The following SSRP1 variants were observed in gnomAD, a reference collection of about 807,000 sequenced individuals.
SSRP1 encodes structure specific recognition protein 1, also known as FACT complex subunit SSRP1.
In SSRP1, 21 loss-of-function variants were observed where a neutral mutation model predicts 84.4. That is an observed-to-expected ratio of 0.25 (90% CI 0.18 to 0.36). The LOEUF is 0.36. SSRP1 is among the 10% of genes least tolerant of loss of function. SSRP1 has a pLI of 1.00. For missense variants in SSRP1, 519 were observed against 900.8 expected (o/e 0.58, Z 5.43); for synonymous variants, 319 against 318.3 (o/e 1.00, Z -0.02).
intron 2 of SSRP1, 83 bp downstream of exon 2, chr11:57,334,985 C>G: frequency 6.6e-7 from 1 of 1,526,050 alleles, no homozygotes. Context: ...AATAACGTTA[C>G]CAAAGCAAGC....
Position 57,332,548 on chromosome 11 carries a change from C to T in SSRP1, c.769-62G>A. 3 of 1,606,114 alleles carry T rather than the reference C, an allele frequency of 1.9e-6. No homozygotes were observed. In the South Asian group the frequency reaches 3.3e-5, roughly 18 times the overall value. On this transcript the variant is annotated intron_variant, in intron 6 of 16. Transcript: ENST00000278412. This position sits in a 1 kb window ranked among gnomAD's most constrained non-coding sequence, Gnocchi z 5.5. The stretch of plus-strand genomic sequence containing the variant: ...ACTTGCAATTAACCAACGTAGAATT[C>T]TGCACACCAGTGAGATCCATCTACT...
In SSRP1 at chr11:57,332,319, T is replaced by C. The variant is rs1856109020; in HGVS notation, c.873-39A>G. 1 of 1,613,922 alleles carries C rather than the reference T, an allele frequency of 6.2e-7. No individual in the cohort carries two copies. Among genetic ancestry groups the C allele is most frequent in the Non-Finnish European group, 8.5e-7 (1 of 1,179,876 alleles). ...AAGGTGAGGTCACAACACTACTGCC[T>C]TCTAATGGCACACCTGTCTCCTGCC... On this transcript the variant is annotated intron_variant, in intron 7 of 16. Coordinates refer to ENST00000278412, the MANE Select transcript of SSRP1 (RefSeq NM_003146.3). The surrounding 1 kb of genome is among the most constrained non-coding windows in gnomAD (Gnocchi z 5.5).
chr11:57,333,411 A>T (rs1280515400), intron 4 of SSRP1, 24 bp downstream of exon 4: 1 of 1,592,136 alleles, frequency 6.3e-7, no homozygotes, highest in African/African-American at 1.3e-5. Flanking sequence ...TCCTCCCCAA[A>T]CCTCAGTCTT....
At chr11:57,329,706 C>T in intron 12 of SSRP1, 1 of 274,718 alleles carries the variant, frequency 3.6e-6, no homozygotes, top group Non-Finnish European at 6.9e-6. Context: ...AACAAAAAGT[C>T]TTAACCAATT....
chr11:57,334,389 G>A, intron 3 of SSRP1, 74 bp downstream of exon 3: 1 of 1,545,078 alleles, frequency 6.5e-7, no homozygotes, highest in Non-Finnish European at 8.8e-7. Context: ...CATGAGGAAG[G>A]AACCTCGAGT....
At chr11:57,333,412 C>T (rs2134392139) in intron 4 of SSRP1, 23 bp downstream of exon 4, 1 of 1,596,386 alleles carries the variant, frequency 6.3e-7, no homozygotes, top group African/African-American at 1.3e-5. Context: ...CCTCCCCAAA[C>T]CTCAGTCTTC....
chr11:57,334,078 A>G (rs1165222463), intron 3 of SSRP1, among the ~76,000 whole-genome samples: 1 of 152,218 alleles, frequency 6.6e-6, no homozygotes, highest in East Asian at 1.9e-4. Context: ...ACTTGAGCCC[A>G]GGAGGCGGAG....
At position 57,330,740 on chromosome 11, in the gene SSRP1, T is replaced by C; in HGVS notation, c.1296+115A>G. ...GGAAAGGGTCACACGCACCTCTTTTTTCTATAAGGGTAAGAAGAGAAGAAA... is the reference window on the plus strand; with the variant it reads ...GGAAAGGGTCACACGCACCTCTTTTCTCTATAAGGGTAAGAAGAGAAGAAA... On this transcript the variant is annotated intron_variant, in intron 10 of 16. Coordinates refer to ENST00000278412, the MANE Select transcript of SSRP1 (RefSeq NM_003146.3). The surrounding 1 kb of genome is among the most constrained non-coding windows in gnomAD (Gnocchi z 4.0). The C allele has an allele frequency of 1.9e-6, 3 of 1,553,386 alleles. No homozygotes were observed. Among genetic ancestry groups the C allele is most frequent in the Non-Finnish European group, 2.6e-6 (3 of 1,148,528 alleles).
In SSRP1 at chr11:57,332,702, C is replaced by T; in HGVS notation, c.691G>A (p.Asp231Asn). 1 of 1,614,020 alleles carries T rather than the reference C, an allele frequency of 6.2e-7. No individual in the cohort carries two copies. The highest frequency in any genetic ancestry group is 8.5e-7 in the Non-Finnish European group (1 of 1,180,008). Residue 231 changes from aspartate to asparagine, a missense_variant, in exon 6 of 17, where the codon GAC (aspartate) becomes AAC (asparagine). By Grantham distance (23) the Asp-to-Asn change is conservative. Transcript: ENST00000278412. The surrounding 1 kb of genome is among the most constrained non-coding windows in gnomAD (Gnocchi z 5.5). ...ACTGTGGTGTAGGGGATCTTGTAGT[C>T]AAAGGTCTTGCCATGCAGGTGCAGA... is the stretch of plus-strand genomic sequence containing the variant. ...TFLHLHGKTF[D>N]YKIPYTTVLR...
intron 16 of SSRP1, 24 bp downstream of exon 16, chr11:57,326,675 GCCCA>G (rs897414190): frequency 2.6e-5 from 42 of 1,607,172 alleles, no homozygotes; most frequent in Non-Finnish European, 3.5e-5. Context: ...ACCCTGCCCA[GCCCA>G]CAGGCCCCAC....
In SSRP1 at chr11:57,335,035, T is replaced by C. The variant is rs756693140; in HGVS notation, c.54+33A>G. ...AAAAACTCTACCCTCCTTCCTTCTC[T>C]CTACTTGTATCACCTGTCCAAGCCA... On this transcript the variant is annotated intron_variant, in intron 2 of 16. Coordinates refer to ENST00000278412, the MANE Select transcript of SSRP1 (RefSeq NM_003146.3). The surrounding 1 kb of genome is among the most constrained non-coding windows in gnomAD (Gnocchi z 4.6). 9.3e-6 allele frequency: 15 copies of C among 1,612,744 alleles called. No individual in the cohort carries two copies. In the East Asian group the frequency reaches 3.3e-4, roughly 36 times the overall value.
Position 57,328,105 on chromosome 11 carries a change from G to A in SSRP1, c.1611+192C>T, listed in dbSNP as rs1377538609. ...ATCTCCTAATTCAGACCTTCCAGAA[G>A]CTTATTAATCTCAGGGCTAGTGAGA... On this transcript the variant is annotated intron_variant, in intron 13 of 16. Coordinates refer to ENST00000278412, the MANE Select transcript of SSRP1 (RefSeq NM_003146.3). The A allele has an allele frequency of 9.9e-6, 10 of 1,005,214 alleles. No individual in the cohort carries two copies. In the East Asian group the frequency reaches 2.5e-4, roughly 26 times the overall value. The allele number at this position is 1,005,214 out of a possible 1,614,324, so 62.3% of individuals were successfully genotyped here.
chr11:57,330,045 A>G lies in SSRP1; in HGVS notation c.1481+48T>C. The G allele has an allele frequency of 1.9e-6, 3 of 1,611,652 alleles. No homozygotes were observed. Among genetic ancestry groups the G allele is most frequent in the Non-Finnish European group, 2.5e-6 (3 of 1,177,784 alleles). On this transcript the variant is annotated intron_variant, in intron 12 of 16. Coordinates refer to ENST00000278412, the MANE Select transcript of SSRP1 (RefSeq NM_003146.3). The surrounding 1 kb of genome is among the most constrained non-coding windows in gnomAD (Gnocchi z 4.0). ...TGTCCAGAAATCTTCTGGTCCCTTA[A>G]GCTTATGGGTCACCATCTTATCCCC...
chr11:57,326,958 G>C, intron 15 of SSRP1, 69 bp from the exon 16 acceptor site: 1 of 1,470,312 alleles, frequency 6.8e-7, no homozygotes, highest in Non-Finnish European at 9.0e-7. Flanking sequence ...ACCTCTCCCA[G>C]CTTTAACAAG....
intron 15 of SSRP1, 28 bp downstream of exon 15, chr11:57,327,398 G>A: frequency 6.3e-7 from 1 of 1,589,732 alleles, no homozygotes; most frequent in Non-Finnish European, 8.6e-7. Flanking sequence ...ACAAAAATCA[G>A]TGACTGGGCC....
intron 9 of SSRP1, 131 bp from the exon 10 acceptor site, chr11:57,331,058 C>T (rs1467448694): frequency 1.1e-6 from 1 of 950,650 alleles, no homozygotes; most frequent in African/African-American, 1.6e-5. Flanking sequence ...CCCAACCCAA[C>T]AGCTTAGAAA....
At chr11:57,328,573 C>A in intron 12 of SSRP1, 147 bp from the exon 13 acceptor site, 1 of 1,142,368 alleles carries the variant, frequency 8.8e-7, no homozygotes, top group South Asian at 1.6e-5. Context: ...CAATCCCCAA[C>A]ACTGCTTTCT....
chr11:57,332,490 G>A lies in SSRP1; in HGVS notation c.769-4C>T, dbSNP rs1856113344. 6.2e-7 allele frequency: 1 copy of A among 1,613,964 alleles called. No homozygotes were observed. The highest frequency in any genetic ancestry group is 1.3e-5 in the African/African-American group (1 of 75,018). The stretch of plus-strand genomic sequence containing the variant: ...TGATTGGGGGATCCAGGCTGATCTA[G>A]TAAGGAAGAGTACTAATTGACACTC... On this transcript the variant is annotated splice_polypyrimidine_tract_variant and splice_region_variant and intron_variant, in intron 6 of 16. Transcript: ENST00000278412. This position sits in a 1 kb window ranked among gnomAD's most constrained non-coding sequence, Gnocchi z 5.5.
At position 57,332,129 on chromosome 11, in the gene SSRP1, G is replaced by A. The variant is rs1856104794; in HGVS notation, c.1001+23C>T. 6.2e-7 allele frequency: 1 copy of A among 1,613,030 alleles called. No individual in the cohort carries two copies. The highest frequency in any genetic ancestry group is 2.2e-5 in the East Asian group (1 of 44,854). On this transcript the variant is annotated intron_variant, in intron 8 of 16. Transcript: ENST00000278412. This position sits in a 1 kb window ranked among gnomAD's most constrained non-coding sequence, Gnocchi z 5.5. ...GCATTTCCCATACCCAGGCAGGGCAGGATCCCAGGCCCACACTCTCACCCT... is the reference window on the plus strand; with the variant it reads ...GCATTTCCCATACCCAGGCAGGGCAAGATCCCAGGCCCACACTCTCACCCT...
Sources: gnomAD v4.1 joint callset for allele counts (sites outside exome capture counted in the v4.1 genomes callset) on GRCh38, gnomAD v4.1.1 for gene constraint, Gnocchi (gnomAD v3.1) non-coding constraint, MANE v1.5 for transcripts, NCBI Gene and HGNC (gene_info 2026-07-23, HGNC 2026-07-21) for gene names.